Variants in RCOR1 observed in about 807,000 individuals in gnomAD.
RCOR1 encodes the protein REST corepressor 1.
RCOR1 carries 12 observed loss-of-function variants against 64.0 expected under a neutral mutation model. That is an observed-to-expected ratio of 0.19 (90% CI 0.12 to 0.30). RCOR1 has a LOEUF of 0.30. Among genes scored for constraint, RCOR1 ranks in the 10% least tolerant of loss-of-function variants. The pLI is 1.00. For synonymous variants in RCOR1, 279 were observed against 227.2 expected, an observed-to-expected ratio of 1.23 and a Z score of -2.05; for missense variants, 502 against 621.2, an observed-to-expected ratio of 0.81 and a Z score of 2.04.
intron 2 of RCOR1, among the ~76,000 whole-genome samples, chr14:102,664,558 AAG>A (rs1004279250): frequency 2.0e-5 from 3 of 152,204 alleles, no homozygotes; most frequent in Non-Finnish European, 4.4e-5. Flanking sequence ...GAGATACAAG[AAG>A]AGAGGGAGTG....
At chr14:102,704,168 G>A (rs938514270) in intron 4 of RCOR1, among the ~76,000 whole-genome samples, 75 of 152,180 alleles carry the variant, frequency 4.9e-4, no homozygotes, top group African/African-American at 1.7e-3. Flanking sequence ...GACCAAAGAG[G>A]AGAAGCAAAG....
chr14:102,618,273 G>A (rs1358111217), intron 2 of RCOR1, among the ~76,000 whole-genome samples: 1 of 152,006 alleles, frequency 6.6e-6, no homozygotes, highest in African/African-American at 2.4e-5. Flanking sequence ...CACTGTGCCT[G>A]TCTGGGATGT....
At chr14:102,677,421 G>A (rs1451558232) in intron 2 of RCOR1, among the ~76,000 whole-genome samples, 4 of 141,204 alleles carry the variant, frequency 2.8e-5, no homozygotes, top group East Asian at 2.2e-4. Flanking sequence ...GCTGCCGGAC[G>A]GAGGGGCTCC....
intron 3 of RCOR1, among the ~76,000 whole-genome samples, chr14:102,693,814 G>GT (rs1162593063): frequency 8.6e-5 from 13 of 151,956 alleles, no homozygotes; most frequent in African/African-American, 3.1e-4. Context: ...TCTGCTTCCT[G>GT]TTTCGTCTTT....
At chr14:102,699,384 T>A (rs1895711026) in intron 3 of RCOR1, among the ~76,000 whole-genome samples, 1 of 152,216 alleles carries the variant, frequency 6.6e-6, no homozygotes, top group African/African-American at 2.4e-5. Context: ...ATATAATTAG[T>A]TATTGTTTGA....
In RCOR1 at chr14:102,728,760, C is replaced by G. The variant is rs1237982737; in HGVS notation, c.*2254C>G. On this transcript the variant is annotated 3_prime_UTR_variant, in exon 12 of 12. Transcript: ENST00000262241. The stretch of plus-strand genomic sequence containing the variant: ...CCAGCCCTGAAGAATCACGTGTGAT[C>G]ACAGCAGCTGACCTGGGCTTTCTCC... 1 of 152,178 alleles carries G rather than the reference C, an allele frequency of 6.6e-6. No homozygotes were observed. Among genetic ancestry groups the G allele is most frequent in the Non-Finnish European group, 1.5e-5 (1 of 68,050 alleles). The allele number at this position is 152,178 out of a possible 1,614,324, so 9.4% of individuals were successfully genotyped here.
intron 3 of RCOR1, among the ~76,000 whole-genome samples, chr14:102,696,926 G>A (rs536633243): frequency 1.4e-5 from 2 of 147,882 alleles, no homozygotes. Context: ...TTTGAAAAGT[G>A]CACTTTTCAT....
intron 11 of RCOR1, among the ~76,000 whole-genome samples, chr14:102,723,778 C>T (rs1229418285): frequency 6.6e-6 from 1 of 152,168 alleles, no homozygotes; most frequent in African/African-American, 2.4e-5. Flanking sequence ...GGAATGAAAG[C>T]TTGCTTCTTG....
rs377190663 is a variant in RCOR1, at chr14:102,714,636, T to G, written c.1053+19T>G. Reference sequence around the variant, plus strand: ...ACGACAGGTACTCATAAGCCTGGTCTTGGATGTAAAAGAATTAATTAGCAC... The same window carrying G: ...ACGACAGGTACTCATAAGCCTGGTCGTGGATGTAAAAGAATTAATTAGCAC... On this transcript the variant is annotated intron_variant, in intron 8 of 11. Transcript: ENST00000262241. The G allele has an allele frequency of 1.7e-5, 26 of 1,556,980 alleles. No homozygotes were observed. The highest frequency in any genetic ancestry group is 2.3e-5 in the Non-Finnish European group (26 of 1,146,654).
At chr14:102,620,236 T>TAC (rs559253956) in intron 2 of RCOR1, among the ~76,000 whole-genome samples, 125 of 115,518 alleles carry the variant, frequency 1.1e-3, no homozygotes, top group African/African-American at 3.5e-3. Context: ...CACACACTTA[T>TAC]ACACACACAC....
intron 2 of RCOR1, among the ~76,000 whole-genome samples, chr14:102,639,863 CATGA>C (rs1173898090): frequency 2.9e-5 from 3 of 104,890 alleles, no homozygotes; most frequent in Non-Finnish European, 4.2e-5. Flanking sequence ...TTCATTCATT[CATGA>C]GACGGAGTCT....
intron 2 of RCOR1, among the ~76,000 whole-genome samples, chr14:102,605,672 A>G (rs1372596981): frequency 1.3e-5 from 2 of 152,206 alleles, no homozygotes; most frequent in Non-Finnish European, 2.9e-5. Context: ...TGGATTTACT[A>G]TGCTATACTT....
rs776009862 is a variant in RCOR1 at position 102,593,325 on chromosome 14, G to A, written c.361G>A (p.Ala121Thr). The change falls in exon 2 of 12, where the codon GCC becomes ACC. Residue 121 changes from alanine to threonine, a missense_variant and splice_region_variant. By Grantham distance (58) the Ala-to-Thr change is moderately conservative. This residue lies in a region of RCOR1 where 242 missense variants were observed against 204.9 expected (regional missense o/e 1.18). Coordinates refer to ENST00000262241, the MANE Select transcript of RCOR1 (RefSeq NM_015156.4). The stretch of plus-strand genomic sequence containing the variant: ...GGCGGTGGTGCCCGACTTCGACCCC[G>A]GTGAGTAGCGGCCCCGGCCGGCCGG... ...YQAVVPDFDPAKLARRSQERD... is the reference protein window; with the variant it reads ...YQAVVPDFDPTKLARRSQERD... The A allele has an allele frequency of 3.9e-6, 6 of 1,542,134 alleles. No individual in the cohort carries two copies. The highest frequency in any genetic ancestry group is 1.2e-5 in the South Asian group (1 of 83,816).
At chr14:102,594,190 C>T (rs1482941472) in intron 2 of RCOR1, among the ~76,000 whole-genome samples, 3 of 152,170 alleles carry the variant, frequency 2.0e-5, no homozygotes, top group East Asian at 1.9e-4. Context: ...CTGTATGAGA[C>T]TGTCTTTAAA....
intron 3 of RCOR1, among the ~76,000 whole-genome samples, chr14:102,692,472 C>T (rs563636198): frequency 5.3e-5 from 8 of 151,140 alleles, no homozygotes; most frequent in Non-Finnish European, 1.0e-4. Flanking sequence ...CACACACACA[C>T]GCTTATTTTT....
At chr14:102,632,819 TTTC>T (rs1187433932) in intron 2 of RCOR1, among the ~76,000 whole-genome samples, 1 of 140,816 alleles carries the variant, frequency 7.1e-6, no homozygotes, top group East Asian at 2.2e-4. Context: ...TCCTCTTTCT[TTTC>T]TTTTTTTTGA....
chr14:102,655,964 C>CACAT, intron 2 of RCOR1: 1 of 980,008 alleles, frequency 1.0e-6, no homozygotes, highest in Non-Finnish European at 1.2e-6. Context: ...CACACACACA[C>CACAT]ACACACACAC....
At chr14:102,688,884 C>G (rs1434079414) in intron 3 of RCOR1, among the ~76,000 whole-genome samples, 2 of 152,188 alleles carry the variant, frequency 1.3e-5, no homozygotes, top group Non-Finnish European at 2.9e-5. Context: ...CCTGTTTATA[C>G]CATTCCAGGC....
chr14:102,601,709 GT>G (rs1893401316), intron 2 of RCOR1, among the ~76,000 whole-genome samples: 1 of 152,330 alleles, frequency 6.6e-6, no homozygotes, highest in South Asian at 2.1e-4. Flanking sequence ...AACATCTGCT[GT>G]GTTCAGTCAT....
Sources: gnomAD v4.1 joint callset for allele counts (sites outside exome capture counted in the v4.1 genomes callset) on GRCh38, gnomAD v4.1.1 for gene constraint, gnomAD v4.1.1 regional missense constraint, MANE v1.5 for transcripts, NCBI Gene and HGNC (gene_info 2026-07-23, HGNC 2026-07-21) for gene names.